The following MICAL3 variants were observed in gnomAD, a reference collection of about 807,000 sequenced individuals.
MICAL3 encodes [F-actin]-monooxygenase MICAL3.
Under a neutral mutation model 207.4 loss-of-function variants are expected in MICAL3, and 62 were observed. The observed-to-expected ratio is 0.30, with a 90% confidence interval of 0.24 to 0.37. The LOEUF is 0.37. MICAL3 is among the 10% of genes least tolerant of loss of function. The pLI, the probability that MICAL3 is intolerant of heterozygous loss-of-function variation, is 1.00. For missense variants in MICAL3, 2,368 were observed against 2,635.6 expected (o/e 0.90, Z 2.22); for synonymous variants, 1,077 against 1,069.3 (o/e 1.01, Z -0.14).
intron 1 of MICAL3, among the ~76,000 whole-genome samples, chr22:17,940,214 T>C (rs753438852): frequency 6.6e-6 from 1 of 152,258 alleles, no homozygotes; most frequent in African/African-American, 2.4e-5. Context: ...AGACTTCTTA[T>C]GGTGAAAAGT....
chr22:17,843,882 T>C (rs570813285), intron 19 of MICAL3, among the ~76,000 whole-genome samples: 1 of 152,246 alleles, frequency 6.6e-6, no homozygotes, highest in African/African-American at 2.4e-5. Context: ...AGTCTCGCTC[T>C]GTCGCCCAGG....
At chr22:17,822,631 C>G (rs1402108464) in intron 23 of MICAL3, among the ~76,000 whole-genome samples, 1 of 152,334 alleles carries the variant, frequency 6.6e-6, no homozygotes, top group East Asian at 1.9e-4. Flanking sequence ...CCCTCAGCCC[C>G]CCACAACCAG....
chr22:17,789,051 G>C lies in MICAL3; in HGVS notation c.*1681C>G, dbSNP rs1029223070. 2 of 152,448 alleles carry C rather than the reference G, an allele frequency of 1.3e-5. No individual in the cohort carries two copies. The highest frequency in any genetic ancestry group is 2.9e-5 in the Non-Finnish European group (2 of 68,198). 9.4% of individuals were successfully genotyped at this position (152,448 alleles called of 1,614,324 possible). A position where few individuals can be genotyped will look rare whatever the true frequency, so the allele number is the denominator to read the frequency against. On this transcript the variant is annotated 3_prime_UTR_variant, in exon 32 of 32. Transcript: ENST00000441493. ...CCCACCCCGATTAGCTCAGTGGCTT[G>C]ATGAGCTGTACACAGCCAGGCTGGT... is the stretch of plus-strand genomic sequence containing the variant.
At chr22:17,919,167 C>T (rs1482272794) in intron 1 of MICAL3, among the ~76,000 whole-genome samples, 1 of 150,972 alleles carries the variant, frequency 6.6e-6, no homozygotes, top group Non-Finnish European at 1.5e-5. Flanking sequence ...TCAGCTCAGG[C>T]GATTCTCCTG....
chr22:17,791,405 C>T, intron 29 of MICAL3, 104 bp from the exon 30 acceptor site: 1 of 998,104 alleles, frequency 1.0e-6, no homozygotes, highest in Non-Finnish European at 1.5e-6. Context: ...CAAGATGCTG[C>T]CGGAACTTCC....
At position 17,903,358 on chromosome 22, in the gene MICAL3, C is replaced by G. The variant is rs188532221; in HGVS notation, c.473-611G>C. ...TCATAGTGAGACTGATTGATTTATT[C>G]GACGTCCATGAGCACCTGCAGGCAC... On this transcript the variant is annotated intron_variant, in intron 3 of 31. Transcript: ENST00000441493. 3.1e-4 allele frequency among the ~76,000 whole-genome samples: 47 copies of G among 152,270 alleles called. No individual in the cohort carries two copies. In the South Asian group the frequency reaches 4.6e-3, roughly 15 times the overall value.
chr22:17,983,495 C>A (rs930290131), intron 1 of MICAL3: 1 of 152,308 alleles, frequency 6.6e-6, no homozygotes, highest in African/African-American at 2.4e-5. Flanking sequence ...ATGACAGAAC[C>A]CTGTGCGCCC....
chr22:17,934,292 G>T (rs1933411392), intron 1 of MICAL3, among the ~76,000 whole-genome samples: 1 of 152,142 alleles, frequency 6.6e-6, no homozygotes. Flanking sequence ...AGGATGCAAG[G>T]CTGGTTCAAC....
chr22:17,846,603 G>A (rs565551175), intron 19 of MICAL3, among the ~76,000 whole-genome samples: 95 of 152,292 alleles, frequency 6.2e-4, no homozygotes, highest in African/African-American at 2.2e-3. Flanking sequence ...GAGAGAGCAG[G>A]AGTGCAGATG....
intron 1 of MICAL3, among the ~76,000 whole-genome samples, chr22:17,925,007 T>C (rs1368169711): frequency 2.0e-5 from 3 of 152,002 alleles, no homozygotes; most frequent in Non-Finnish European, 4.4e-5. Flanking sequence ...ATTGACCAAA[T>C]AGCAACGGGG....
intron 24 of MICAL3, 31 bp from the exon 25 acceptor site, chr22:17,821,540 A>C: frequency 1.3e-6 from 2 of 1,516,540 alleles, no homozygotes; most frequent in Non-Finnish European, 1.8e-6. Context: ...GACTTACAAG[A>C]GGAAGCCCCC....
chr22:17,864,727 G>C, intron 19 of MICAL3, 172 bp downstream of exon 19: 1 of 1,613,588 alleles, frequency 6.2e-7, no homozygotes, highest in African/African-American at 1.3e-5. Flanking sequence ...ATAGAGAAAG[G>C]GGACTCCGAA....
intron 1 of MICAL3, among the ~76,000 whole-genome samples, chr22:17,965,729 T>C (rs1358015129): frequency 6.6e-6 from 1 of 152,190 alleles, no homozygotes; most frequent in Non-Finnish European, 1.5e-5. Flanking sequence ...TCTACTGATA[T>C]CTGCTATCAT....
chr22:17,928,313 T>C (rs9604807), intron 1 of MICAL3, among the ~76,000 whole-genome samples: 2,706 of 151,874 alleles, frequency 0.018, 35 homozygotes, highest in Non-Finnish European at 0.027. Context: ...GTGGCGGGCA[T>C]CTGTAGTCCC....
At chr22:18,021,442 G>C (rs550770052) in intron 1 of MICAL3, among the ~76,000 whole-genome samples, 1 of 152,336 alleles carries the variant, frequency 6.6e-6, no homozygotes, top group South Asian at 2.1e-4. Flanking sequence ...CATGCCCATC[G>C]CCCAGCTCAG....
intron 19 of MICAL3, among the ~76,000 whole-genome samples, chr22:17,854,589 C>A (rs1925703997): frequency 6.6e-6 from 1 of 152,114 alleles, no homozygotes; most frequent in South Asian, 2.1e-4. Flanking sequence ...CATGCTGTGA[C>A]AAACTTGGTC....
At chr22:17,967,856 C>A (rs1272048106) in intron 1 of MICAL3, among the ~76,000 whole-genome samples, 1 of 123,046 alleles carries the variant, frequency 8.1e-6, no homozygotes, top group Non-Finnish European at 1.7e-5. Flanking sequence ...ACCAGCCTGA[C>A]CAACATGGTG....
At chr22:17,827,542 T>C in intron 22 of MICAL3, 102 bp downstream of exon 22, 2 of 1,323,166 alleles carry the variant, frequency 1.5e-6, no homozygotes, top group South Asian at 1.5e-5. Context: ...GTGTGTGACC[T>C]CATGGGTGGC....
At chr22:17,997,078 CAG>C (rs1246011110) in intron 1 of MICAL3, among the ~76,000 whole-genome samples, 1 of 101,140 alleles carries the variant, frequency 9.9e-6, no homozygotes, top group African/African-American at 3.9e-5. Context: ...TTTTTTGAGA[CAG>C]AGTCTTGCTC....
Sources: gnomAD v4.1 joint callset for allele counts (sites outside exome capture counted in the v4.1 genomes callset) on GRCh38, gnomAD v4.1.1 for gene constraint, MANE v1.5 for transcripts, NCBI Gene and HGNC (gene_info 2026-07-23, HGNC 2026-07-21) for gene names.